SPIDR: variants seen among roughly 807,000 people sequenced by gnomAD.
SPIDR encodes the protein scaffold protein involved in DNA repair, also known as DNA repair-scaffolding protein.
SPIDR carries 93 observed loss-of-function variants against 104.6 expected under a neutral mutation model. The observed-to-expected ratio is 0.89, with a 90% confidence interval of 0.75 to 1.06. The LOEUF (loss-of-function observed/expected upper bound fraction) is 1.06, where lower values mean the gene tolerates loss of function less well. Ranked by LOEUF, SPIDR falls within the 50% of genes least tolerant of loss-of-function variation. The probability of loss-of-function intolerance (pLI) is 0.00; values close to 1 mark genes in which losing one functional copy is unlikely to be tolerated. For synonymous variants in SPIDR, 431 were observed against 416.9 expected (o/e 1.03, Z -0.41); for missense variants, 1,154 against 1,111.2 (o/e 1.04, Z -0.55).
intron 8 of SPIDR, among the ~76,000 whole-genome samples, chr8:47,554,831 C>T (rs1041219913): frequency 2.2e-4 from 34 of 152,220 alleles, no homozygotes; most frequent in African/African-American, 8.2e-4. Context: ...GCGTCATTCA[C>T]GCTTGGAGCT....
intron 10 of SPIDR, among the ~76,000 whole-genome samples, chr8:47,639,928 CAAAA>C (rs777519014): frequency 7.8e-6 from 1 of 128,190 alleles, no homozygotes; most frequent in African/African-American, 2.9e-5. Context: ...GCCTGGGTGA[CAAAA>C]AAAAAAAAAG....
At chr8:47,469,456 A>G (rs900484003) in intron 8 of SPIDR, among the ~76,000 whole-genome samples, 3 of 152,198 alleles carry the variant, frequency 2.0e-5, no homozygotes, top group Admixed American at 6.5e-5. Flanking sequence ...ATAGCAAAAA[A>G]ATGGAATCAA....
chr8:47,403,070 A>G lies in SPIDR; in HGVS notation c.777-4791A>G, dbSNP rs576509683. 6.6e-5 allele frequency among the ~76,000 whole-genome samples: 10 copies of G among 152,358 alleles called. No individual in the cohort carries two copies. The East Asian group carries it at 1.7e-3, about 26-fold the overall frequency. On this transcript the variant is annotated intron_variant, in intron 6 of 19. Coordinates refer to ENST00000297423, the MANE Select transcript of SPIDR (RefSeq NM_001080394.4). ...CAGCATACGCAAATCAGTAAACGTA[A>G]TCCATTATATAAACAGAACAAAAGA... is the stretch of plus-strand genomic sequence containing the variant.
chr8:47,511,169 C>T, intron 8 of SPIDR: 3 of 1,564,378 alleles, frequency 1.9e-6, no homozygotes, highest in Middle Eastern at 1.8e-4. Context: ...CGGGCATCCA[C>T]AATGAAGAGT....
chr8:47,441,889 A>G (rs2069517327), intron 8 of SPIDR, among the ~76,000 whole-genome samples: 1 of 152,142 alleles, frequency 6.6e-6, no homozygotes, highest in African/African-American at 2.4e-5. Flanking sequence ...TCCCAACATT[A>G]TTTATTGAAC....
Position 47,291,110 on chromosome 8 carries a change from G to T in SPIDR, c.334G>T (p.Asp112Tyr), listed in dbSNP as rs935941089. The change falls in exon 4 of 20, where the codon GAT becomes TAT. Residue 112 changes from aspartate to tyrosine, a missense_variant. Transcript: ENST00000297423. ...SSSGSDLSDE[D>Y]KTLSQLQRDE... ...CAGTGGAAGTGATTTGTCGGATGAA[G>T]ATAAGACACTTTCTCAGTTACAGAG... 6.2e-7 allele frequency: 1 copy of T among 1,612,770 alleles called. No individual in the cohort carries two copies. The highest frequency in any genetic ancestry group is 1.7e-5 in the Admixed American group (1 of 59,920).
intron 8 of SPIDR, among the ~76,000 whole-genome samples, chr8:47,573,596 A>G (rs2095426352): frequency 6.6e-6 from 1 of 152,202 alleles, no homozygotes; most frequent in Non-Finnish European, 1.5e-5. Context: ...AGTAAGTTGG[A>G]GGAGAAGCAA....
intron 5 of SPIDR, among the ~76,000 whole-genome samples, chr8:47,392,743 A>G (rs2060750470): frequency 6.6e-6 from 1 of 152,248 alleles, no homozygotes; most frequent in South Asian, 2.1e-4. Context: ...ACAGCTGAGC[A>G]CATGTACCTT....
chr8:47,422,003 G>T (rs1228786608), intron 7 of SPIDR, among the ~76,000 whole-genome samples: 1 of 152,188 alleles, frequency 6.6e-6, no homozygotes, highest in Non-Finnish European at 1.5e-5. Context: ...GCTGTGTGAG[G>T]TGTCAGTCTG....
At chr8:47,312,467 C>A (rs1409405652) in intron 5 of SPIDR, among the ~76,000 whole-genome samples, 2 of 152,242 alleles carry the variant, frequency 1.3e-5, no homozygotes, top group Non-Finnish European at 2.9e-5. Flanking sequence ...TCTCTGATGG[C>A]CAGTGATGGT....
At chr8:47,675,470 G>C (rs1009456829) in intron 11 of SPIDR, among the ~76,000 whole-genome samples, 1 of 152,178 alleles carries the variant, frequency 6.6e-6, no homozygotes, top group Non-Finnish European at 1.5e-5. Context: ...GAAAAGCTTG[G>C]TTGGGTCACA....
At chr8:47,630,550 A>G (rs2066899927) in intron 10 of SPIDR, among the ~76,000 whole-genome samples, 2 of 152,182 alleles carry the variant, frequency 1.3e-5, no homozygotes, top group Admixed American at 6.5e-5. Context: ...ATTGCTATAA[A>G]TACTACTGTT....
chr8:47,355,624 C>T (rs544656951), intron 5 of SPIDR, among the ~76,000 whole-genome samples: 1 of 152,250 alleles, frequency 6.6e-6, no homozygotes, highest in South Asian at 2.1e-4. Context: ...TATCAGAAAG[C>T]TATATTATAA....
At chr8:47,398,680 C>T (rs926918538) in intron 6 of SPIDR, among the ~76,000 whole-genome samples, 1 of 152,134 alleles carries the variant, frequency 6.6e-6, no homozygotes, top group African/African-American at 2.4e-5. Context: ...GCAGGCCTGG[C>T]GTTGGAGATG....
chr8:47,633,836 G>C (rs1350548287), intron 10 of SPIDR, among the ~76,000 whole-genome samples: 1 of 152,172 alleles, frequency 6.6e-6, no homozygotes, highest in Non-Finnish European at 1.5e-5. Context: ...GCTCTCGCCT[G>C]TAATCTCAAC....
chr8:47,296,189 T>C (rs1381009698), intron 5 of SPIDR, among the ~76,000 whole-genome samples: 8 of 152,192 alleles, frequency 5.3e-5, no homozygotes, highest in Admixed American at 2.0e-4. Context: ...TTATCAGATA[T>C]GTAGTTTGTA....
At chr8:47,450,775 C>T (rs1207554001) in intron 8 of SPIDR, among the ~76,000 whole-genome samples, 1 of 152,068 alleles carries the variant, frequency 6.6e-6, no homozygotes, top group Non-Finnish European at 1.5e-5. Flanking sequence ...AGAAATCCAT[C>T]CCTCTATCGA....
chr8:47,629,890 T>C (rs2066788281), intron 10 of SPIDR, among the ~76,000 whole-genome samples: 1 of 152,228 alleles, frequency 6.6e-6, no homozygotes, highest in African/African-American at 2.4e-5. Context: ...CTTAAAGGGA[T>C]AAAAGGGAAT....
In SPIDR at chr8:47,435,604, G is replaced by T. The variant is rs371948335; in HGVS notation, c.878-4719G>T. Among the ~76,000 whole-genome samples, 26 of 152,054 alleles carry T rather than the reference G, an allele frequency of 1.7e-4. No individual in the cohort carries two copies. In the East Asian group the frequency reaches 3.1e-3, roughly 18 times the overall value. ...TTAACATCTTTGCTATTGTATATTA[G>T]TATTTGTGGTCTCCATTTGATCTTT... On this transcript the variant is annotated intron_variant, in intron 7 of 19. Coordinates refer to ENST00000297423, the MANE Select transcript of SPIDR (RefSeq NM_001080394.4).
Sources: allele counts gnomAD v4.1 joint callset (sites outside exome capture counted in the v4.1 genomes callset), GRCh38; gene constraint gnomAD v4.1.1; transcripts MANE v1.5; gene names NCBI Gene and HGNC (gene_info 2026-07-23, HGNC 2026-07-21).